The following ATR variants were observed in gnomAD, a reference collection of about 807,000 sequenced individuals.
ATR encodes the protein ATR checkpoint kinase, also known as serine/threonine-protein kinase ATR.
In ATR, 142 loss-of-function variants were observed where a neutral mutation model predicts 305.3. The ratio of observed to expected loss-of-function variants is 0.47; its 90% CI spans 0.41 to 0.53. The LOEUF (loss-of-function observed/expected upper bound fraction) is 0.53, where lower values mean the gene tolerates loss of function less well. Ranked by LOEUF, ATR falls within the 20% of genes least tolerant of loss-of-function variation. The probability of loss-of-function intolerance (pLI) is 0.00; values close to 1 mark genes in which losing one functional copy is unlikely to be tolerated. For synonymous variants in ATR, 1,050 were observed against 1,068.1 expected, an observed-to-expected ratio of 0.98 and a Z score of 0.33; for missense variants, 2,135 against 3,133.1, an observed-to-expected ratio of 0.68 and a Z score of 7.60.
intron 42 of ATR, among the ~76,000 whole-genome samples, chr3:142,461,111 G>A (rs182567069): frequency 1.0e-3 from 153 of 152,080 alleles, no homozygotes; most frequent in Admixed American, 1.3e-3. Context: ...TAAGGAGTTC[G>A]GACCAGTTAT....
At chr3:142,558,269 T>G (rs1434841054) in intron 8 of ATR, among the ~76,000 whole-genome samples, 6 of 152,008 alleles carry the variant, frequency 3.9e-5, no homozygotes, top group African/African-American at 1.2e-4. Flanking sequence ...ACGCCTGTAA[T>G]CCTAGCACTT....
Position 142,550,186 on chromosome 3 carries a change from C to T in ATR, c.2922G>A (p.Thr974=), listed in dbSNP as rs763559215. 37 of 1,614,108 alleles carry T rather than the reference C, an allele frequency of 2.3e-5. No homozygotes were observed. Among genetic ancestry groups the T allele is most frequent in the Middle Eastern group, 3.3e-4 (2 of 6,062 alleles). ...VAHQREMALN[T]LSEIANVFDF... ...CGAAAACGTTGGCAATTTCAGACAA[C>T]GTATTTAAAGCCATTTCTCTCTGGT... The change falls in exon 14 of 47, where the codon ACG becomes ACA. Residue 974 remains threonine (T), a synonymous_variant. Coordinates refer to ENST00000350721, the MANE Select transcript of ATR (RefSeq NM_001184.4).
intron 31 of ATR, chr3:142,499,321 G>C (rs2031822604): frequency 3.3e-6 from 1 of 306,000 alleles, no homozygotes; most frequent in South Asian, 3.4e-5. Flanking sequence ...TTGAGATGGA[G>C]TCTCACTCTG....
At chr3:142,537,454 T>C (rs1349947702) in intron 19 of ATR, among the ~76,000 whole-genome samples, 3 of 152,100 alleles carry the variant, frequency 2.0e-5, no homozygotes, top group South Asian at 2.1e-4. Context: ...GACATGACTA[T>C]GTACAAAAAA....
intron 41 of ATR, among the ~76,000 whole-genome samples, chr3:142,462,537 C>T (rs926551228): frequency 4.6e-5 from 7 of 151,334 alleles, no homozygotes; most frequent in East Asian, 1.9e-4. Context: ...GGCTCAATCT[C>T]GGCTCACTGC....
At chr3:142,568,787 G>C (rs2035163935) in intron 1 of ATR, among the ~76,000 whole-genome samples, 2 of 152,228 alleles carry the variant, frequency 1.3e-5, no homozygotes, top group African/African-American at 4.8e-5. Context: ...AAAGTTGTGG[G>C]GGAGCCCAGG....
intron 21 of ATR, among the ~76,000 whole-genome samples, 182 bp from the exon 22 acceptor site, chr3:142,524,381 G>A (rs1315821982): frequency 1.3e-5 from 2 of 152,074 alleles, no homozygotes; most frequent in Non-Finnish European, 1.5e-5. Flanking sequence ...TCAACAATAT[G>A]TCCTGTACAA....
chr3:142,454,801 A>G (rs2070870295), intron 45 of ATR, among the ~76,000 whole-genome samples: 1 of 152,180 alleles, frequency 6.6e-6, no homozygotes, highest in African/African-American at 2.4e-5. Flanking sequence ...CTTTCAAACA[A>G]TCTGTTTCCC....
intron 21 of ATR, among the ~76,000 whole-genome samples, chr3:142,527,607 CATTA>C (rs758391695): frequency 4.6e-5 from 7 of 152,098 alleles, no homozygotes; most frequent in Admixed American, 6.5e-5. Flanking sequence ...CATTTTTACT[CATTA>C]ATTAATTTTA....
intron 36 of ATR, among the ~76,000 whole-genome samples, chr3:142,472,635 C>T (rs2108284680): frequency 6.6e-6 from 1 of 151,506 alleles, no homozygotes; most frequent in East Asian, 1.9e-4. Context: ...TTCCTTTTTT[C>T]TATTTTTATT....
intron 15 of ATR, 67 bp from the exon 16 acceptor site, chr3:142,547,977 A>AT: frequency 7.3e-7 from 1 of 1,375,402 alleles, no homozygotes; most frequent in Non-Finnish European, 1.0e-6. Flanking sequence ...AAGTATACTG[A>AT]TTTTAACATG....
At chr3:142,497,795 G>A (rs1274373418) in intron 32 of ATR, among the ~76,000 whole-genome samples, 2 of 152,068 alleles carry the variant, frequency 1.3e-5, no homozygotes, top group Non-Finnish European at 2.9e-5. Context: ...TATTGCTGGT[G>A]CTACTATAAG....
In ATR at chr3:142,496,276, G is replaced by A. The variant is rs1221240067; in HGVS notation, c.5898+85C>T. The A allele has an allele frequency of 1.7e-4, 16 of 92,906 alleles. 1 individual carries two copies. The highest frequency in any genetic ancestry group is 9.9e-4 in the South Asian group (5 of 5,032). 5.8% of individuals were successfully genotyped at this position (92,906 alleles called of 1,614,324 possible). Reference sequence around the variant, plus strand: ...CCTTTTAAGGAAGTACATAATTCCCGACTATATATATATATATATATATAT... The same window carrying A: ...CCTTTTAAGGAAGTACATAATTCCCAACTATATATATATATATATATATAT... On this transcript the variant is annotated intron_variant, in intron 34 of 46. Transcript: ENST00000350721.
At chr3:142,461,907 A>G (rs758582903) in intron 42 of ATR, 33 bp downstream of exon 42, 1 of 1,598,066 alleles carries the variant, frequency 6.3e-7, no homozygotes. Flanking sequence ...CTTAGTACCC[A>G]CACTGTATAT....
intron 18 of ATR, among the ~76,000 whole-genome samples, chr3:142,540,498 A>G (rs1246499830): frequency 6.6e-6 from 1 of 152,202 alleles, no homozygotes; most frequent in Non-Finnish European, 1.5e-5. Context: ...CCTGCTAAGT[A>G]TAATAATTCA....
intron 1 of ATR, among the ~76,000 whole-genome samples, chr3:142,577,792 T>G (rs1322856628): frequency 6.6e-6 from 1 of 152,176 alleles, no homozygotes. Context: ...TTCGCAGTAG[T>G]GTAGAATTAA....
At chr3:142,460,263 A>C (rs562685262) in intron 42 of ATR, among the ~76,000 whole-genome samples, 33 of 152,276 alleles carry the variant, frequency 2.2e-4, no homozygotes, top group Admixed American at 1.6e-3. Flanking sequence ...GTGATTTATC[A>C]GTATTACTTA....
rs1257971001 is a variant in ATR at position 142,465,124 on chromosome 3, T to TA, written c.7013dup (p.Met2339AsnfsTer8). On this transcript the variant is annotated frameshift_variant, in exon 41 of 47. Coordinates refer to ENST00000350721, the MANE Select transcript of ATR (RefSeq NM_001184.4). LOFTEE classifies it high-confidence loss of function. ...TATTAATCAAGGAATTGAATTCCAT[T>TA]AGTCTACAATCCTTTCTCAGGTCAT... is the stretch of plus-strand genomic sequence containing the variant. 7.0e-6 allele frequency: 11 copies of TA among 1,569,492 alleles called. No individual in the cohort carries two copies. Among genetic ancestry groups the TA allele is most frequent in the African/African-American group, 1.4e-5 (1 of 73,896 alleles).
chr3:142,494,362 C>G (rs1270803470), intron 34 of ATR, among the ~76,000 whole-genome samples: 1 of 152,020 alleles, frequency 6.6e-6, no homozygotes, highest in Non-Finnish European at 1.5e-5. Context: ...ATTAAAATCC[C>G]TGACATAAAA....
Sources: allele counts gnomAD v4.1 joint callset (sites outside exome capture counted in the v4.1 genomes callset), GRCh38; gene constraint gnomAD v4.1.1; transcripts MANE v1.5; gene names NCBI Gene and HGNC (gene_info 2026-07-23, HGNC 2026-07-21).